The following PCNX2 variants were observed in gnomAD, a reference collection of about 807,000 sequenced individuals.
The protein encoded by PCNX2 is pecanex 2.
A neutral mutation model predicts 223.8 loss-of-function variants in PCNX2; 168 were observed. That is an observed-to-expected ratio of 0.75 (90% confidence interval 0.66 to 0.85). PCNX2 has a LOEUF of 0.85. Ranked by LOEUF, PCNX2 falls within the 40% of genes least tolerant of loss-of-function variation. The probability of loss-of-function intolerance (pLI) is 0.00; values close to 1 mark genes in which losing one functional copy is unlikely to be tolerated. For synonymous variants in PCNX2, 1,006 were observed against 1,052.6 expected (o/e 0.96, Z 0.86); for missense variants, 2,507 against 2,675.5 (o/e 0.94, Z 1.39).
chr1:233,062,888 A>G (rs563996179), intron 23 of PCNX2, among the ~76,000 whole-genome samples: 1 of 152,340 alleles, frequency 6.6e-6, no homozygotes, highest in Admixed American at 6.5e-5. Context: ...AACATAAATG[A>G]AATAGGTAAT....
intron 17 of PCNX2, among the ~76,000 whole-genome samples, chr1:233,162,978 C>T (rs1175471196): frequency 6.6e-6 from 1 of 152,006 alleles, no homozygotes; most frequent in African/African-American, 2.4e-5. Context: ...GGAATGAGCT[C>T]GAATTATTAT....
intron 25 of PCNX2, among the ~76,000 whole-genome samples, chr1:233,033,738 C>A (rs1425373027): frequency 6.6e-6 from 1 of 152,214 alleles, no homozygotes; most frequent in African/African-American, 2.4e-5. Flanking sequence ...GTCAGCCTTA[C>A]ATATGGGGCT....
intron 12 of PCNX2, among the ~76,000 whole-genome samples, chr1:233,217,414 A>T (rs1276379665): frequency 6.6e-6 from 1 of 152,226 alleles, no homozygotes; most frequent in East Asian, 1.9e-4. Context: ...TTTATTGAGC[A>T]ATCTCTATGT....
chr1:233,160,152 GTACCATC>G, intron 19 of PCNX2, 124 bp downstream of exon 19: 1 of 965,080 alleles, frequency 1.0e-6, no homozygotes, highest in Non-Finnish European at 1.5e-6. Context: ...TACACATAAT[GTACCATC>G]TGCCATTTTC....
the PCNX2 span, among the ~76,000 whole-genome samples, chr1:233,314,202 C>A: frequency 6.6e-6 from 1 of 151,912 alleles, no homozygotes; most frequent in East Asian, 1.9e-4. Context: ...TAATGTCCTG[C>A]CTTTAAATTT....
chr1:233,007,956 G>C (rs1362398141), intron 28 of PCNX2, among the ~76,000 whole-genome samples: 1 of 152,168 alleles, frequency 6.6e-6, no homozygotes, highest in Non-Finnish European at 1.5e-5. Flanking sequence ...TGAGATTACA[G>C]GCGTGAGCCA....
At chr1:233,043,210 AG>A (rs1671704864) in intron 25 of PCNX2, among the ~76,000 whole-genome samples, 1 of 152,196 alleles carries the variant, frequency 6.6e-6, no homozygotes, top group Non-Finnish European at 1.5e-5. Context: ...CCATCAGCCT[AG>A]GTCACTTGAC....
intron 10 of PCNX2, among the ~76,000 whole-genome samples, chr1:233,226,394 T>C (rs917518595): frequency 8.5e-5 from 13 of 152,090 alleles, no homozygotes; most frequent in African/African-American, 2.9e-4. Flanking sequence ...CTCAGCCTCC[T>C]GAGTAGCTGG....
In PCNX2 at chr1:233,112,966, C is replaced by T. The variant is rs758233458; in HGVS notation, c.3838-17103G>A. On this transcript the variant is annotated intron_variant, in intron 21 of 33. Transcript: ENST00000258229. Reference sequence around the variant, plus strand: ...CATCCTCTTTGTGTGTGGGTGCCGTCCTAGGGAGGAGAAGACAAGAAAGTG... The same window carrying T: ...CATCCTCTTTGTGTGTGGGTGCCGTTCTAGGGAGGAGAAGACAAGAAAGTG... 2.3e-6 allele frequency: 3 copies of T among 1,289,280 alleles called. No individual in the cohort carries two copies. In the South Asian group the frequency reaches 3.7e-5, roughly 16 times the overall value. 79.9% of individuals were successfully genotyped at this position (1,289,280 alleles called of 1,614,324 possible).
chr1:233,030,542 AGCCATGTTCT>A (rs1464231327), intron 25 of PCNX2, among the ~76,000 whole-genome samples: 2 of 152,272 alleles, frequency 1.3e-5, no homozygotes, highest in African/African-American at 4.8e-5. Context: ...TTTTTAAAAG[AGCCATGTTCT>A]GTCAGGAAGT....
At position 233,125,663 on chromosome 1, in the gene PCNX2, T is replaced by A. The variant is rs200837861; in HGVS notation, c.3837+9350A>T. 1.7e-4 allele frequency among the ~76,000 whole-genome samples: 26 copies of A among 152,206 alleles called. No homozygotes were observed. The East Asian group carries it at 4.1e-3, about 24-fold the overall frequency. ...AAGAATGAACATGTGACACAAAACG[T>A]CAATGAGACTTCTCCCCCACCCGAA... On this transcript the variant is annotated intron_variant, in intron 21 of 33. Transcript: ENST00000258229.
At chr1:233,294,003 C>T (rs981872405) in intron 1 of PCNX2, 1 of 985,078 alleles carries the variant, frequency 1.0e-6, no homozygotes, top group Non-Finnish European at 1.2e-6. Context: ...GCATTTATTG[C>T]AGGGTTTCCA....
At chr1:233,036,514 C>A (rs955280194) in intron 25 of PCNX2, among the ~76,000 whole-genome samples, 31 of 151,742 alleles carry the variant, frequency 2.0e-4, no homozygotes, top group African/African-American at 6.8e-4. Context: ...CCTGTAGTCC[C>A]AGCTATTTGG....
Position 233,216,044 on chromosome 1 carries a change from AT to A in PCNX2, c.2691+1854del, listed in dbSNP as rs369642889. Among the ~76,000 whole-genome samples, 431 of 152,220 alleles carry A rather than the reference AT, an allele frequency of 2.8e-3. 2 individuals are homozygous for A. The highest frequency in any genetic ancestry group is 9.1e-3 in the African/African-American group (379 of 41,528). ...AAATGGGTCCTAAATCCTGGATATA[AT>A]TTTTTTTAAAAGCACAATAGAGGGA... On this transcript the variant is annotated intron_variant, in intron 12 of 33. Transcript: ENST00000258229.
intron 19 of PCNX2, among the ~76,000 whole-genome samples, chr1:233,140,627 G>C (rs1571953506): frequency 1.3e-5 from 2 of 152,204 alleles, no homozygotes; most frequent in East Asian, 3.8e-4. Flanking sequence ...GGGGTAATGA[G>C]GAATGCATGC....
intron 15 of PCNX2, among the ~76,000 whole-genome samples, chr1:233,194,031 C>T (rs1680570197): frequency 6.6e-6 from 1 of 150,790 alleles, no homozygotes; most frequent in Non-Finnish European, 1.5e-5. Context: ...TCCAAAACAA[C>T]TCACAAATCA....
chr1:233,103,795 C>G (rs1386183498), intron 21 of PCNX2, among the ~76,000 whole-genome samples: 1 of 152,154 alleles, frequency 6.6e-6, no homozygotes, highest in Non-Finnish European at 1.5e-5. Flanking sequence ...TGGGGGCATA[C>G]AGCCAGCAGT....
At chr1:233,240,277 T>G (rs1348325160) in intron 8 of PCNX2, among the ~76,000 whole-genome samples, 1 of 152,208 alleles carries the variant, frequency 6.6e-6, no homozygotes, top group African/African-American at 2.4e-5. Context: ...CTTTGAATAA[T>G]TCCAAAGTCT....
At chr1:233,231,024 T>G (rs1007953356) in intron 9 of PCNX2, among the ~76,000 whole-genome samples, 9 of 152,182 alleles carry the variant, frequency 5.9e-5, no homozygotes, top group Non-Finnish European at 8.8e-5. Context: ...AAAGTCATAA[T>G]TTTGCCATAT....
Sources: allele counts gnomAD v4.1 joint callset (sites outside exome capture counted in the v4.1 genomes callset), GRCh38; gene constraint gnomAD v4.1.1; transcripts MANE v1.5; gene names NCBI Gene and HGNC (gene_info 2026-07-23, HGNC 2026-07-21).